The following ZBTB25 variants were observed in gnomAD, a reference collection of about 807,000 sequenced individuals.
ZBTB25 encodes the protein zinc finger and BTB domain containing 25.
ZBTB25 carries 20 observed loss-of-function variants against 34.2 expected under a neutral mutation model. The ratio of observed to expected loss-of-function variants is 0.58; its 90% confidence interval spans 0.41 to 0.85. The LOEUF is 0.85. Ranked by LOEUF, ZBTB25 falls within the 40% of genes least tolerant of loss-of-function variation. ZBTB25 has a pLI of 0.00. For missense variants in ZBTB25, 437 were observed against 521.8 expected (o/e 0.84, Z 1.58); for synonymous variants, 175 against 186.4 (o/e 0.94, Z 0.50).
intron 2 of ZBTB25, among the ~76,000 whole-genome samples, chr14:64,489,540 C>CTTTT (rs372078564): frequency 7.0e-6 from 1 of 142,474 alleles, no homozygotes. Flanking sequence ...TTTCCTTTTT[C>CTTTT]TTTTTTTTTT....
At chr14:64,475,363 C>T (rs1013270458), downstream of ZBTB25, among the ~76,000 whole-genome samples, 11 of 151,964 alleles carry the variant, frequency 7.2e-5, no homozygotes, top group South Asian at 2.1e-4. Flanking sequence ...GGCGTGAACC[C>T]GGGAGGCAGA....
At chr14:64,453,978 C>G in intron 2 of ZBTB25, 1 of 714,686 alleles carries the variant, frequency 1.4e-6, no homozygotes, top group East Asian at 2.7e-5. Context: ...TGGGTGGCAG[C>G]CTTCTCTCCT....
rs1296755693 is a variant in ZBTB25 at position 64,485,484 on chromosome 14, T to C, written c.*1439A>G. The C allele has an allele frequency of 1.0e-5, 10 of 985,402 alleles. No individual in the cohort carries two copies. Among genetic ancestry groups the C allele is most frequent in the Middle Eastern group, 5.2e-4 (1 of 1,914 alleles). 61.0% of individuals were successfully genotyped at this position (985,402 alleles called of 1,614,324 possible). ...CTTAACCAGCTATTTCCCAGGTATA[T>C]AGAGCCGGGGAATCTGTTATTTCTT... On this transcript the variant is annotated 3_prime_UTR_variant, in exon 3 of 3. Coordinates refer to ENST00000608382, the MANE Select transcript of ZBTB25 (RefSeq NM_006977.5).
chr14:64,501,943 C>A (rs776409085), intron 1 of ZBTB25, among the ~76,000 whole-genome samples: 2 of 152,218 alleles, frequency 1.3e-5, no homozygotes, highest in African/African-American at 4.8e-5. Flanking sequence ...ATTCCCTTCC[C>A]GGCTGAAACA....
intron 2 of ZBTB25, chr14:64,461,590 T>G (rs2078556247): frequency 7.1e-6 from 1 of 140,466 alleles, no homozygotes; most frequent in Non-Finnish European, 1.6e-5. Flanking sequence ...TTTTTTTTTT[T>G]TGGCAGGGGG....
Position 64,478,377 on chromosome 14 carries a change from T to C in ZBTB25, c.*8546A>G, listed in dbSNP as rs976965175. The C allele has an allele frequency of 2.0e-5, 3 of 152,232 alleles. No individual in the cohort carries two copies. The highest frequency in any genetic ancestry group is 4.4e-5 in the Non-Finnish European group (3 of 68,046). 9.4% of individuals were successfully genotyped at this position (152,232 alleles called of 1,614,324 possible). A position where few individuals can be genotyped will look rare whatever the true frequency, so the allele number is the denominator to read the frequency against. On this transcript the variant is annotated 3_prime_UTR_variant, in exon 3 of 3. Coordinates refer to ENST00000608382, the MANE Select transcript of ZBTB25 (RefSeq NM_006977.5). ...GGAAAGTATGAGAGAAGAAAGTCAG[T>C]TGTTGAACCACAGTTGGAAAAGAAA...
downstream of ZBTB25, among the ~76,000 whole-genome samples, chr14:64,475,214 C>T (rs1468266221): frequency 6.6e-6 from 1 of 151,982 alleles, no homozygotes; most frequent in Non-Finnish European, 1.5e-5. Context: ...CCGAGGCGGG[C>T]GGATCACAAG....
At chr14:64,452,217 C>A (rs1043683178) in intron 2 of ZBTB25, among the ~76,000 whole-genome samples, 1 of 152,214 alleles carries the variant, frequency 6.6e-6, no homozygotes, top group Admixed American at 6.5e-5. Flanking sequence ...ATCTCTTGAA[C>A]CCGGGAGGCG....
At chr14:64,472,581 G>A (rs1212761985) in intron 2 of ZBTB25, 1 of 166,852 alleles carries the variant, frequency 6.0e-6, no homozygotes, top group African/African-American at 2.4e-5. Context: ...TTCTTAAGAG[G>A]TTTCTGTTTT....
chr14:64,470,934 C>A (rs143325145), intron 2 of ZBTB25: 3 of 166,954 alleles, frequency 1.8e-5, no homozygotes, highest in African/African-American at 7.2e-5. Flanking sequence ...TCAAAGCCAG[C>A]CTGGTAGTAA....
chr14:64,481,146 T>C lies in ZBTB25; in HGVS notation c.*5777A>G, dbSNP rs2078788253. The C allele has an allele frequency of 6.6e-6, 1 of 151,860 alleles. No individual in the cohort carries two copies. The highest frequency in any genetic ancestry group is 1.5e-5 in the Non-Finnish European group (1 of 68,048). The allele number at this position is 151,860 out of a possible 1,614,324, so 9.4% of individuals were successfully genotyped here. ...GGTTTCGCCATGTTAGCCAGGCTGA[T>C]CTTGAACTCCTGACCTCTGGTGATC... On this transcript the variant is annotated 3_prime_UTR_variant, in exon 3 of 3. Transcript: ENST00000608382.
chr14:64,468,185 A>G (rs562660613), intron 2 of ZBTB25: 1 of 363,936 alleles, frequency 2.7e-6, no homozygotes, highest in Admixed American at 4.3e-5. Flanking sequence ...TCATCAAGAA[A>G]TTAAAGAGAG....
chr14:64,455,043 A>G (rs1027566767), intron 2 of ZBTB25: 2 of 705,574 alleles, frequency 2.8e-6, no homozygotes, highest in Non-Finnish European at 5.1e-6. Context: ...AGCAGGAGCT[A>G]TATAGCTCTT....
At chr14:64,501,053 AAAAC>A (rs956871956) in intron 1 of ZBTB25, among the ~76,000 whole-genome samples, 34 of 152,344 alleles carry the variant, frequency 2.2e-4, no homozygotes, top group African/African-American at 7.7e-4. Context: ...TCTGTCTCAA[AAAAC>A]AAACAAACAA....
Position 64,483,678 on chromosome 14 carries a change from C to T in ZBTB25, c.*3245G>A, listed in dbSNP as rs554996336. 6.6e-6 allele frequency: 1 copy of T among 152,058 alleles called. No homozygotes were observed. Among genetic ancestry groups the T allele is most frequent in the Admixed American group, 6.6e-5 (1 of 15,262 alleles). 9.4% of individuals were successfully genotyped at this position (152,058 alleles called of 1,614,324 possible). ...CACAGTGTTAGGCATATGACAGTTA[C>T]TTTAAAAAATGCCTGCAGACCCGGG... On this transcript the variant is annotated 3_prime_UTR_variant, in exon 3 of 3. Transcript: ENST00000608382.
intron 2 of ZBTB25, among the ~76,000 whole-genome samples, chr14:64,454,217 A>T (rs2078426377): frequency 6.6e-6 from 1 of 152,076 alleles, no homozygotes; most frequent in South Asian, 2.1e-4. Flanking sequence ...GGCTCAAGCG[A>T]TCCTCCCACC....
At chr14:64,503,040 G>T in intron 1 of ZBTB25, 1 of 985,404 alleles carries the variant, frequency 1.0e-6, no homozygotes, top group South Asian at 4.7e-5. Context: ...CAGGTACTAC[G>T]TTGTGCTATG....
At position 64,487,330 on chromosome 14, in the gene ZBTB25, T is replaced by C. The variant is rs2078906646; in HGVS notation, c.901A>G (p.Ile301Val). 15 of 1,613,968 alleles carry C rather than the reference T, an allele frequency of 9.3e-6. No homozygotes were observed. Among genetic ancestry groups the C allele is most frequent in the Non-Finnish European group, 1.3e-5 (15 of 1,179,962 alleles). Residue 301 changes from isoleucine (I) to valine (V), a missense_variant, in exon 3 of 3, where the codon ATT (isoleucine) becomes GTT (valine). By Grantham distance (29) the Ile-to-Val change is conservative. Coordinates refer to ENST00000608382, the MANE Select transcript of ZBTB25 (RefSeq NM_006977.5). ...GGCTGCTGTTCATTCTCCTTAACAA[T>C]GAAGGAGCTGAGCCTGCGGCATTCA... ...ALECRRLSSF[I>V]VKENEQQPDH... is the part of the protein sequence containing the mutation.
intron 2 of ZBTB25, among the ~76,000 whole-genome samples, chr14:64,457,036 T>G (rs567670216): frequency 6.6e-6 from 1 of 152,200 alleles, no homozygotes; most frequent in East Asian, 1.9e-4. Context: ...GCCGAGTCTT[T>G]AGAAAAGTAG....
Sources: gnomAD v4.1 joint callset for allele counts (sites outside exome capture counted in the v4.1 genomes callset) on GRCh38, gnomAD v4.1.1 for gene constraint, MANE v1.5 for transcripts, NCBI Gene and HGNC (gene_info 2026-07-23, HGNC 2026-07-21) for gene names.